The following AGBL4 variants were observed in gnomAD, a reference collection of about 807,000 sequenced individuals.
AGBL4 encodes the protein cytosolic carboxypeptidase 6.
In AGBL4, 58 loss-of-function variants were observed where a neutral mutation model predicts 66.4. That is an observed-to-expected ratio of 0.87 (90% CI 0.71 to 1.09). The LOEUF (loss-of-function observed/expected upper bound fraction) is 1.09. AGBL4 is among the 50% of genes least tolerant of loss of function. The probability of loss-of-function intolerance (pLI) is 0.00; values close to 1 mark genes in which losing one functional copy is unlikely to be tolerated. For synonymous variants in AGBL4, 234 were observed against 222.9 expected (o/e 1.05, Z -0.44); for missense variants, 579 against 631.0 (o/e 0.92, Z 0.88).
At chr1:49,008,297 TA>T (rs1389106972) in intron 5 of AGBL4, among the ~76,000 whole-genome samples, 1 of 151,792 alleles carries the variant, frequency 6.6e-6, no homozygotes, top group Non-Finnish European at 1.5e-5. Flanking sequence ...TACATAATGG[TA>T]AAGGGATCAA....
At chr1:49,308,861 T>C (rs1013506448) in intron 3 of AGBL4, among the ~76,000 whole-genome samples, 1 of 152,154 alleles carries the variant, frequency 6.6e-6, no homozygotes, top group Non-Finnish European at 1.5e-5. Context: ...TTGAGCACTG[T>C]GTAATAGGCC....
At chr1:48,781,941 T>A (rs1645305114) in intron 6 of AGBL4, among the ~76,000 whole-genome samples, 1 of 152,238 alleles carries the variant, frequency 6.6e-6, no homozygotes, top group Non-Finnish European at 1.5e-5. Context: ...AAATCATGCA[T>A]GCCAGGCGCT....
chr1:49,638,085 T>G (rs1195000572), intron 3 of AGBL4, among the ~76,000 whole-genome samples: 9 of 152,160 alleles, frequency 5.9e-5, no homozygotes, highest in Non-Finnish European at 1.2e-4. Flanking sequence ...TTTAAATTGG[T>G]TATTGAACCA....
intron 3 of AGBL4, among the ~76,000 whole-genome samples, chr1:49,352,839 G>T (rs1393489422): frequency 6.6e-6 from 1 of 152,144 alleles, no homozygotes; most frequent in Non-Finnish European, 1.5e-5. Context: ...TACAGATGAG[G>T]CTAAGAAAAG....
At chr1:49,712,585 G>C (rs916386033) in intron 2 of AGBL4, among the ~76,000 whole-genome samples, 4 of 151,860 alleles carry the variant, frequency 2.6e-5, no homozygotes, top group Non-Finnish European at 5.9e-5. Flanking sequence ...AATTTGCTGA[G>C]AGTAGATTTT....
intron 5 of AGBL4, among the ~76,000 whole-genome samples, chr1:48,878,758 A>G (rs541737285): frequency 6.6e-6 from 1 of 152,270 alleles, no homozygotes; most frequent in South Asian, 2.1e-4. Context: ...GATATTGTGG[A>G]GTTCCTGTGA....
chr1:49,180,023 T>C (rs1646902071), intron 4 of AGBL4, among the ~76,000 whole-genome samples: 1 of 152,140 alleles, frequency 6.6e-6, no homozygotes, highest in Admixed American at 6.5e-5. Flanking sequence ...TGCCTCAGCC[T>C]CCCGAGTAGC....
Position 48,724,485 on chromosome 1 carries a change from C to A in AGBL4, c.635-61244G>T, listed in dbSNP as rs1647199700. Among the ~76,000 whole-genome samples the A allele has an allele frequency of 3.3e-5, 5 of 152,186 alleles. No individual in the cohort carries two copies. The South Asian group carries it at 8.3e-4, about 25-fold the overall frequency. On this transcript the variant is annotated intron_variant, in intron 6 of 13. Transcript: ENST00000371839. ...TACTCAATTGCAGCTTTATGTTGGT[C>A]CACTTTGTGGATGTTAGAATTGATA...
chr1:49,232,174 G>C (rs1350873368), intron 4 of AGBL4, among the ~76,000 whole-genome samples: 1 of 152,018 alleles, frequency 6.6e-6, no homozygotes, highest in East Asian at 1.9e-4. Flanking sequence ...ACAACTCTGG[G>C]TATATTAAAA....
intron 3 of AGBL4, among the ~76,000 whole-genome samples, chr1:49,671,921 G>A (rs147127147): frequency 3.3e-5 from 5 of 152,222 alleles, no homozygotes; most frequent in African/African-American, 1.2e-4. Flanking sequence ...GTAGAAAGCA[G>A]TATGGCAATT....
chr1:49,652,780 T>A (rs530293233), intron 3 of AGBL4, among the ~76,000 whole-genome samples: 1 of 152,262 alleles, frequency 6.6e-6, no homozygotes, highest in East Asian at 1.9e-4. Context: ...CTGTGAGAAT[T>A]TCAGCATCCC....
chr1:48,542,336 T>C (rs1227618519), intron 11 of AGBL4, among the ~76,000 whole-genome samples: 3 of 152,238 alleles, frequency 2.0e-5, no homozygotes, highest in Non-Finnish European at 4.4e-5. Flanking sequence ...GAATGATTTA[T>C]AATCCTTTGG....
intron 6 of AGBL4, among the ~76,000 whole-genome samples, chr1:48,813,316 G>T (rs1254299336): frequency 6.6e-6 from 1 of 152,110 alleles, no homozygotes; most frequent in African/African-American, 2.4e-5. Flanking sequence ...TTGTTTTAGA[G>T]AAATACAGGC....
intron 2 of AGBL4, among the ~76,000 whole-genome samples, chr1:49,737,860 G>T (rs1286283415): frequency 6.6e-6 from 1 of 152,202 alleles, no homozygotes; most frequent in African/African-American, 2.4e-5. Context: ...TGGCCGAATA[G>T]GAATAGCTCC....
chr1:49,775,045 G>A (rs1400180634), intron 2 of AGBL4, among the ~76,000 whole-genome samples: 1 of 152,080 alleles, frequency 6.6e-6, no homozygotes, highest in Non-Finnish European at 1.5e-5. Context: ...TAAAGATGCA[G>A]CCATTAAAAA....
chr1:48,751,901 T>C (rs1651799173), intron 6 of AGBL4, among the ~76,000 whole-genome samples: 1 of 152,194 alleles, frequency 6.6e-6, no homozygotes, highest in Non-Finnish European at 1.5e-5. Flanking sequence ...AAATCAACTT[T>C]TAAAATAATC....
chr1:49,153,594 C>G (rs1040964035), intron 4 of AGBL4, among the ~76,000 whole-genome samples: 1 of 151,894 alleles, frequency 6.6e-6, no homozygotes, highest in Non-Finnish European at 1.5e-5. Flanking sequence ...GTAGCAAAAC[C>G]CTTCTCAACA....
At chr1:49,593,616 A>T (rs150474493) in intron 3 of AGBL4, among the ~76,000 whole-genome samples, 347 of 152,314 alleles carry the variant, frequency 2.3e-3, no homozygotes, top group African/African-American at 8.0e-3. Context: ...AGGCTCCAGA[A>T]CCAGATTGTC....
chr1:48,674,034 G>C (rs1646322200), intron 6 of AGBL4, among the ~76,000 whole-genome samples: 1 of 152,064 alleles, frequency 6.6e-6, no homozygotes, highest in South Asian at 2.1e-4. Context: ...TAACCCAGGC[G>C]GTACTCCCTA....
Sources: gnomAD v4.1 joint callset for allele counts (sites outside exome capture counted in the v4.1 genomes callset) on GRCh38, gnomAD v4.1.1 for gene constraint, MANE v1.5 for transcripts, NCBI Gene and HGNC (gene_info 2026-07-23, HGNC 2026-07-21) for gene names.